TNFRSF21: variants seen among roughly 807,000 people sequenced by gnomAD.
TNFRSF21 encodes the protein TNF receptor superfamily member 21, also known as tumor necrosis factor receptor superfamily member 21.
A neutral mutation model predicts 45.6 loss-of-function variants in TNFRSF21; 19 were observed. The ratio of observed to expected loss-of-function variants is 0.42; its 90% CI spans 0.29 to 0.61. The LOEUF (loss-of-function observed/expected upper bound fraction) is 0.61. Among genes scored for constraint, TNFRSF21 ranks in the 20% least tolerant of loss-of-function variants. The pLI is 0.23. For missense variants in TNFRSF21, 737 were observed against 851.5 expected, an observed-to-expected ratio of 0.87 and a Z score of 1.67; for synonymous variants, 314 against 335.5, an observed-to-expected ratio of 0.94 and a Z score of 0.70.
chr6:47,289,644 A>G (rs1762694184), intron 1 of TNFRSF21, among the ~76,000 whole-genome samples: 1 of 152,070 alleles, frequency 6.6e-6, no homozygotes, highest in Non-Finnish European at 1.5e-5. Context: ...CCTTTTTCTG[A>G]GCACAGCGGA....
At chr6:47,307,241 T>C (rs908692067) in intron 1 of TNFRSF21, among the ~76,000 whole-genome samples, 1 of 152,210 alleles carries the variant, frequency 6.6e-6, no homozygotes, top group Non-Finnish European at 1.5e-5. Context: ...AGGAATCCTG[T>C]ATTGGTTATC....
chr6:47,275,674 T>A (rs750658242), intron 3 of TNFRSF21, among the ~76,000 whole-genome samples: 3 of 146,726 alleles, frequency 2.0e-5, no homozygotes, highest in Non-Finnish European at 4.6e-5. Context: ...GAAAAAAAAA[T>A]GTCTCACATT....
At chr6:47,284,819 T>C (rs1762623444) in intron 2 of TNFRSF21, among the ~76,000 whole-genome samples, 1 of 152,202 alleles carries the variant, frequency 6.6e-6, no homozygotes, top group Non-Finnish European at 1.5e-5. Context: ...ATCCTCCTTC[T>C]CCCACCTTTT....
chr6:47,240,937 A>G (rs377316305), intron 4 of TNFRSF21, among the ~76,000 whole-genome samples: 1 of 152,252 alleles, frequency 6.6e-6, no homozygotes. Flanking sequence ...CTAGTCGCGA[A>G]TAAATATAAA....
At chr6:47,286,669 G>A in intron 1 of TNFRSF21, 74 bp from the exon 2 acceptor site, 1 of 1,454,580 alleles carries the variant, frequency 6.9e-7, no homozygotes. Flanking sequence ...CAGAAAAAGG[G>A]CCAACAATTC....
In TNFRSF21 at chr6:47,232,572, A is replaced by T. The variant is rs1047809867; in HGVS notation, c.*193T>A. The T allele has an allele frequency of 1.3e-5, 7 of 557,354 alleles. No individual in the cohort carries two copies. The highest frequency in any genetic ancestry group is 2.2e-5 in the Non-Finnish European group (7 of 321,308). The allele number at this position is 557,354 out of a possible 1,614,324, so 34.5% of individuals were successfully genotyped here. The stretch of plus-strand genomic sequence containing the variant: ...TCCCAGAAGAGTTATTTAAAAAAAA[A>T]AGAGAGAGAGAGAAGGAGAAAGAAC... On this transcript the variant is annotated 3_prime_UTR_variant, in exon 6 of 6. Coordinates refer to ENST00000296861, the MANE Select transcript of TNFRSF21 (RefSeq NM_014452.5).
At chr6:47,279,596 C>G (rs115190338) in intron 3 of TNFRSF21, among the ~76,000 whole-genome samples, 3,426 of 152,220 alleles carry the variant, frequency 0.023, 147 homozygotes, top group African/African-American at 0.079. Flanking sequence ...CCACATAAAT[C>G]CTTAATTTTT....
chr6:47,307,129 T>C (rs1762951510), intron 1 of TNFRSF21, among the ~76,000 whole-genome samples: 1 of 152,142 alleles, frequency 6.6e-6, no homozygotes. Flanking sequence ...TCTCTACTGA[T>C]TCCTGGCACA....
Position 47,309,409 on chromosome 6 carries a change from C to T in TNFRSF21, c.96+7G>A. 1 of 1,539,020 alleles carries T rather than the reference C, an allele frequency of 6.5e-7. No homozygotes were observed. The highest frequency in any genetic ancestry group is 8.7e-7 in the Non-Finnish European group (1 of 1,149,720). ...CGCCGCCACCCCCGGTCCACGCAAG[C>T]GCTCACCAGGAGAAGGGAGCCCGCG... On this transcript the variant is annotated splice_region_variant and intron_variant, in intron 1 of 5. Coordinates refer to ENST00000296861, the MANE Select transcript of TNFRSF21 (RefSeq NM_014452.5).
At chr6:47,246,055 A>T (rs1290952771) in intron 4 of TNFRSF21, among the ~76,000 whole-genome samples, 1 of 152,206 alleles carries the variant, frequency 6.6e-6, no homozygotes, top group Non-Finnish European at 1.5e-5. Flanking sequence ...CACCTCCAAC[A>T]TTGGGAATTA....
At chr6:47,258,147 A>G (rs1582327263) in intron 3 of TNFRSF21, among the ~76,000 whole-genome samples, 1 of 151,936 alleles carries the variant, frequency 6.6e-6, no homozygotes, top group East Asian at 1.9e-4. Flanking sequence ...AGGTGAGTGG[A>G]TCCCTTGACC....
intron 1 of TNFRSF21, among the ~76,000 whole-genome samples, chr6:47,296,526 GA>G (rs1243411911): frequency 6.6e-6 from 1 of 152,152 alleles, no homozygotes; most frequent in Non-Finnish European, 1.5e-5. Context: ...CTGGTCATAA[GA>G]AAGACCAAGG....
chr6:47,235,186 C>T (rs565974372), intron 4 of TNFRSF21, among the ~76,000 whole-genome samples: 1 of 152,086 alleles, frequency 6.6e-6, no homozygotes, highest in East Asian at 1.9e-4. Context: ...GAAAGATCCC[C>T]GATTTAAAAT....
chr6:47,291,641 G>A (rs957657882), intron 1 of TNFRSF21, among the ~76,000 whole-genome samples: 1 of 152,196 alleles, frequency 6.6e-6, no homozygotes, highest in Non-Finnish European at 1.5e-5. Context: ...GGGAGGGATG[G>A]GAGGTAGGCT....
intron 1 of TNFRSF21, among the ~76,000 whole-genome samples, chr6:47,295,882 G>A (rs555385871): frequency 6.6e-6 from 1 of 152,294 alleles, no homozygotes; most frequent in South Asian, 2.1e-4. Context: ...GGATGCCAAG[G>A]CTAGAATGTG....
intron 3 of TNFRSF21, among the ~76,000 whole-genome samples, chr6:47,262,377 G>T (rs1053986991): frequency 1.3e-5 from 2 of 152,186 alleles, no homozygotes. Flanking sequence ...AATGTCTGAA[G>T]CTGTTAACTT....
intron 1 of TNFRSF21, among the ~76,000 whole-genome samples, chr6:47,293,421 A>G (rs1368045220): frequency 1.3e-5 from 2 of 152,240 alleles, no homozygotes; most frequent in Non-Finnish European, 2.9e-5. Context: ...CTTTCATGCT[A>G]CAGCGGCAGA....
chr6:47,248,685 A>C (rs1489716265), intron 4 of TNFRSF21, among the ~76,000 whole-genome samples: 1 of 152,196 alleles, frequency 6.6e-6, no homozygotes, highest in African/African-American at 2.4e-5. Context: ...GCTCTGGGGC[A>C]CTGAACCCAG....
At chr6:47,296,466 T>C (rs1241674988) in intron 1 of TNFRSF21, among the ~76,000 whole-genome samples, 1 of 152,142 alleles carries the variant, frequency 6.6e-6, no homozygotes, top group Non-Finnish European at 1.5e-5. Flanking sequence ...TTTTGTATGC[T>C]AATGAGATGA....
Sources: gnomAD v4.1 joint callset for allele counts (sites outside exome capture counted in the v4.1 genomes callset) on GRCh38, gnomAD v4.1.1 for gene constraint, MANE v1.5 for transcripts, NCBI Gene and HGNC (gene_info 2026-07-23, HGNC 2026-07-21) for gene names.